ROBO2: variants seen among roughly 807,000 people sequenced by gnomAD.
ROBO2 encodes the protein roundabout guidance receptor 2.
Under a neutral mutation model 160.8 loss-of-function variants are expected in ROBO2, and 53 were observed. The ratio of observed to expected loss-of-function variants is 0.33; its 90% CI spans 0.26 to 0.41. ROBO2 has a LOEUF of 0.41. Among genes scored for constraint, ROBO2 ranks in the 10% least tolerant of loss-of-function variants. ROBO2 has a pLI of 1.00. For synonymous variants in ROBO2, 664 were observed against 611.7 expected (o/e 1.09, Z -1.26); for missense variants, 1,577 against 1,722.4 (o/e 0.92, Z 1.49).
chr3:76,515,118 G>T (rs2081285802), intron 2 of ROBO2, among the ~76,000 whole-genome samples: 1 of 152,072 alleles, frequency 6.6e-6, no homozygotes, highest in Non-Finnish European at 1.5e-5. Flanking sequence ...TTAACTATCT[G>T]TGTTCTAAAA....
intron 2 of ROBO2, among the ~76,000 whole-genome samples, chr3:76,154,753 T>A (rs967562782): frequency 6.6e-6 from 1 of 152,188 alleles, no homozygotes; most frequent in African/African-American, 2.4e-5. Flanking sequence ...GGAAATATTA[T>A]GATGTTTAAC....
intron 2 of ROBO2, among the ~76,000 whole-genome samples, chr3:77,106,353 A>T (rs2072797464): frequency 6.6e-6 from 1 of 152,118 alleles, no homozygotes; most frequent in Non-Finnish European, 1.5e-5. Context: ...TCTTACTATA[A>T]ATTTTTAATT....
chr3:76,682,158 C>A (rs1435593504), intron 2 of ROBO2, among the ~76,000 whole-genome samples: 1 of 151,940 alleles, frequency 6.6e-6, no homozygotes, highest in Non-Finnish European at 1.5e-5. Flanking sequence ...CCAGGGATGG[C>A]AGGGGGTGGA....
chr3:76,145,360 ATGT>A lies in ROBO2; in HGVS notation c.109+207762_109+207764del, dbSNP rs1390844547. 2.0e-5 allele frequency among the ~76,000 whole-genome samples: 3 copies of A among 152,062 alleles called. No homozygotes were observed. In the East Asian group the frequency reaches 5.8e-4, roughly 29 times the overall value. On this transcript the variant is annotated intron_variant, in intron 2 of 26. Coordinates refer to the ROBO2 transcript ENST00000487694. ...TATTTAATCCATGCTGTGAACTGAA[ATGT>A]TGTCATCAGGTACAAATATGGTAAA...
chr3:76,022,560 A>G (rs1471115321), intron 2 of ROBO2, among the ~76,000 whole-genome samples: 4 of 151,764 alleles, frequency 2.6e-5, no homozygotes, highest in Non-Finnish European at 5.9e-5. Context: ...GTTCATCTCC[A>G]TCAGAACTCT....
At chr3:76,769,142 AGTT>A (rs537694941) in intron 2 of ROBO2, among the ~76,000 whole-genome samples, 21 of 151,480 alleles carry the variant, frequency 1.4e-4, no homozygotes, top group Non-Finnish European at 2.7e-4. Context: ...TGACAGACCC[AGTT>A]GTTCTTTGTT....
intron 2 of ROBO2, among the ~76,000 whole-genome samples, chr3:77,197,733 A>G (rs891237694): frequency 1.3e-5 from 2 of 152,192 alleles, no homozygotes; most frequent in African/African-American, 4.8e-5. Context: ...GTGAACTGTT[A>G]TTTTATGGCT....
chr3:76,119,895 CCTTCCCTTCCTTCCCTCCCTCCCTT>C (rs1203351929), intron 2 of ROBO2, among the ~76,000 whole-genome samples: 5 of 128,118 alleles, frequency 3.9e-5, no homozygotes, highest in African/African-American at 1.6e-4. Context: ...CCCTTCCCTT[CCTTCCCTTCCTTCCCTCCCTCCCTT>C]CCTTCCTTCC....
intron 11 of ROBO2, chr3:77,564,322 T>A: frequency 2.8e-6 from 1 of 358,912 alleles, no homozygotes; most frequent in South Asian, 2.2e-5. Context: ...AAATGGGTCC[T>A]CACACACAAA....
At chr3:77,463,109 C>A (rs1354334292) in intron 2 of ROBO2, among the ~76,000 whole-genome samples, 1 of 152,090 alleles carries the variant, frequency 6.6e-6, no homozygotes, top group East Asian at 1.9e-4. Flanking sequence ...ATATCTTGTA[C>A]TCCTAAAGTG....
intron 2 of ROBO2, among the ~76,000 whole-genome samples, chr3:76,361,199 T>C (rs1256180010): frequency 6.6e-6 from 1 of 152,062 alleles, no homozygotes; most frequent in Non-Finnish European, 1.5e-5. Flanking sequence ...ACTTGAGTGT[T>C]TTATCAAACC....
intron 2 of ROBO2, among the ~76,000 whole-genome samples, chr3:77,115,605 C>T (rs896229867): frequency 1.3e-5 from 2 of 152,178 alleles, no homozygotes; most frequent in Admixed American, 6.5e-5. Context: ...TAAAAATAAG[C>T]GGAATCATCA....
intron 2 of ROBO2, among the ~76,000 whole-genome samples, chr3:76,563,513 A>C (rs1224889374): frequency 6.6e-6 from 1 of 152,182 alleles, no homozygotes; most frequent in Non-Finnish European, 1.5e-5. Context: ...ATGCTAAATT[A>C]TATTATGATG....
At chr3:76,571,173 C>T (rs1034123871) in intron 2 of ROBO2, among the ~76,000 whole-genome samples, 1 of 151,956 alleles carries the variant, frequency 6.6e-6, no homozygotes, top group African/African-American at 2.4e-5. Context: ...GAAAAGAAAC[C>T]AGGAAATACT....
At chr3:77,646,326 C>T (rs2095412517) in exon 26 of ROBO2, 2 of 356,598 alleles carry the variant, frequency 5.6e-6, no homozygotes, top group Non-Finnish European at 5.1e-6. Flanking sequence ...AAGGATTCTC[C>T]TCTGTATATA....
At chr3:77,228,981 T>C (rs2086829163) in intron 2 of ROBO2, among the ~76,000 whole-genome samples, 1 of 152,238 alleles carries the variant, frequency 6.6e-6, no homozygotes, top group African/African-American at 2.4e-5. Context: ...CAAATCTGTC[T>C]GCTAGGTTCA....
intron 2 of ROBO2, among the ~76,000 whole-genome samples, chr3:76,710,082 A>C (rs2107587754): frequency 6.6e-6 from 1 of 151,724 alleles, no homozygotes; most frequent in Non-Finnish European, 1.5e-5. Flanking sequence ...AAAGTGGCTG[A>C]GGCCTGCCCC....
intron 2 of ROBO2, among the ~76,000 whole-genome samples, chr3:75,979,561 T>TTTTA (rs2065222876): frequency 6.6e-6 from 1 of 151,514 alleles, no homozygotes; most frequent in African/African-American, 2.4e-5. Flanking sequence ...AATTCTCTTC[T>TTTTA]GGCACATAAT....
intron 2 of ROBO2, among the ~76,000 whole-genome samples, chr3:76,805,660 C>G (rs1429652606): frequency 8.0e-6 from 1 of 124,492 alleles, no homozygotes; most frequent in African/African-American, 3.1e-5. Flanking sequence ...CCTCTTAATT[C>G]TATTGGAATA....
Sources: allele counts gnomAD v4.1 joint callset (sites outside exome capture counted in the v4.1 genomes callset), GRCh38; gene constraint gnomAD v4.1.1; transcripts MANE v1.5; gene names NCBI Gene and HGNC (gene_info 2026-07-23, HGNC 2026-07-21).